Variants in PPA2 observed in about 807,000 individuals in gnomAD.
PPA2 encodes the protein inorganic pyrophosphatase 2, mitochondrial.
PPA2 carries 48 observed loss-of-function variants against 49.5 expected under a neutral mutation model. The ratio of observed to expected loss-of-function variants is 0.97; its 90% CI spans 0.77 to 1.23. The LOEUF (loss-of-function observed/expected upper bound fraction) is 1.23. Among genes scored for constraint, PPA2 ranks in the 50% most tolerant of loss-of-function variants. The probability of loss-of-function intolerance (pLI) is 0.00; values close to 1 mark genes in which losing one functional copy is unlikely to be tolerated. For synonymous variants in PPA2, 131 were observed against 139.9 expected (o/e 0.94, Z 0.45); for missense variants, 429 against 410.1 (o/e 1.05, Z -0.40).
intron 5 of PPA2, among the ~76,000 whole-genome samples, chr4:105,439,039 A>G (rs1338066535): frequency 1.3e-5 from 2 of 152,154 alleles, no homozygotes; most frequent in Non-Finnish European, 2.9e-5. Context: ...ATGAAGTCCA[A>G]CAACATTTCA....
At chr4:105,456,379 A>G (rs926451657) in intron 2 of PPA2, 1 of 433,586 alleles carries the variant, frequency 2.3e-6, no homozygotes, top group Admixed American at 3.2e-5. Flanking sequence ...CACAAACGTT[A>G]GCTGATTATT....
intron 7 of PPA2, among the ~76,000 whole-genome samples, chr4:105,422,482 T>C (rs953512206): frequency 1.3e-5 from 2 of 150,340 alleles, no homozygotes; most frequent in Non-Finnish European, 3.0e-5. Flanking sequence ...CTTTTTATTC[T>C]AACACTTACG....
chr4:105,400,203 G>T (rs1218763430), intron 7 of PPA2, among the ~76,000 whole-genome samples: 1 of 152,010 alleles, frequency 6.6e-6, no homozygotes, highest in Non-Finnish European at 1.5e-5. Flanking sequence ...ATACTGTTTT[G>T]TTATAACAAA....
intron 1 of PPA2, among the ~76,000 whole-genome samples, chr4:105,463,936 C>T (rs904219885): frequency 2.0e-5 from 3 of 152,156 alleles, no homozygotes; most frequent in Non-Finnish European, 4.4e-5. Flanking sequence ...TCTGCTAGAG[C>T]ACTGTGGAAG....
intron 5 of PPA2, among the ~76,000 whole-genome samples, chr4:105,444,536 C>T (rs751955668): frequency 5.9e-5 from 9 of 152,092 alleles, no homozygotes; most frequent in Non-Finnish European, 1.0e-4. Context: ...GAAGAACTAC[C>T]GTACCTGCCA....
chr4:105,466,590 C>T (rs1280965677), intron 1 of PPA2, among the ~76,000 whole-genome samples: 1 of 152,048 alleles, frequency 6.6e-6, no homozygotes, highest in East Asian at 1.9e-4. Context: ...GAGGCTGAGG[C>T]AATTTTACAG....
At chr4:105,392,031 TAATAA>T (rs902588247) in intron 9 of PPA2, among the ~76,000 whole-genome samples, 17 of 152,050 alleles carry the variant, frequency 1.1e-4, no homozygotes, top group African/African-American at 3.9e-4. Flanking sequence ...AAATAATGAT[TAATAA>T]AATAAAGTAG....
intron 7 of PPA2, among the ~76,000 whole-genome samples, chr4:105,421,817 T>C (rs531561301): frequency 3.3e-5 from 5 of 151,990 alleles, no homozygotes; most frequent in Non-Finnish European, 7.4e-5. Flanking sequence ...CTGAGGCGGG[T>C]AGATCCCTTT....
chr4:105,410,347 G>T (rs1722693232), intron 7 of PPA2, among the ~76,000 whole-genome samples: 1 of 152,080 alleles, frequency 6.6e-6, no homozygotes, highest in African/African-American at 2.4e-5. Flanking sequence ...AATAAAGCGA[G>T]AAGACAAGAT....
chr4:105,376,709 C>T (rs1351209609), intron 10 of PPA2, among the ~76,000 whole-genome samples: 1 of 152,156 alleles, frequency 6.6e-6, no homozygotes, highest in Non-Finnish European at 1.5e-5. Flanking sequence ...TAGCTACTTA[C>T]TCTTCTTGGC....
chr4:105,441,629 A>C (rs1724364900), intron 5 of PPA2, among the ~76,000 whole-genome samples: 1 of 152,148 alleles, frequency 6.6e-6, no homozygotes, highest in African/African-American at 2.4e-5. Context: ...ACAGGTATAT[A>C]AGTATATTTA....
chr4:105,369,154 G>A lies in PPA2; in HGVS notation c.*571C>T, dbSNP rs1732918606. The A allele has an allele frequency of 6.6e-6, 1 of 152,074 alleles. No homozygotes were observed. Among genetic ancestry groups the A allele is most frequent in the Non-Finnish European group, 1.5e-5 (1 of 68,018 alleles). The allele number at this position is 152,074 out of a possible 1,614,324, so 9.4% of individuals were successfully genotyped here. On this transcript the variant is annotated 3_prime_UTR_variant, in exon 12 of 12. Coordinates refer to ENST00000341695, the MANE Select transcript of PPA2 (RefSeq NM_176869.3). ...GAAATAAAAACTGGTAAAATCAATG[G>A]GTTCCTTCAGGTATAGAAACTAGAA...
chr4:105,400,233 A>G (rs933470819), intron 7 of PPA2, among the ~76,000 whole-genome samples: 6 of 152,160 alleles, frequency 3.9e-5, no homozygotes, highest in Admixed American at 1.3e-4. Context: ...GATGTTTTGC[A>G]AAAATTAATT....
chr4:105,449,426 G>T (rs1293539876), intron 3 of PPA2, 23 bp from the exon 4 acceptor site: 1 of 1,482,114 alleles, frequency 6.7e-7, no homozygotes, highest in East Asian at 2.3e-5. Flanking sequence ...ACAAAACAAA[G>T]AGAGAACATT....
chr4:105,472,619 G>C (rs1015136574), intron 1 of PPA2, among the ~76,000 whole-genome samples: 2 of 152,156 alleles, frequency 1.3e-5, no homozygotes, highest in African/African-American at 4.8e-5. Context: ...CTGTTCACCT[G>C]ATCAGTCTTA....
intron 7 of PPA2, among the ~76,000 whole-genome samples, chr4:105,409,129 G>C (rs1005841655): frequency 1.3e-5 from 2 of 152,128 alleles, no homozygotes; most frequent in Admixed American, 6.5e-5. Flanking sequence ...AAGGGATCGG[G>C]GATTTCCCTT....
At chr4:105,446,350 A>G in intron 5 of PPA2, 33 bp downstream of exon 5, 1 of 1,526,246 alleles carries the variant, frequency 6.6e-7, no homozygotes, top group Non-Finnish European at 8.8e-7. Context: ...TTCAGAAGAC[A>G]GGAACATTTT....
chr4:105,383,911 A>AC (rs397827145), intron 10 of PPA2, among the ~76,000 whole-genome samples: 3 of 151,698 alleles, frequency 2.0e-5, no homozygotes, highest in African/African-American at 7.3e-5. Context: ...ACAAAAAAAA[A>AC]ACCTGATAGC....
chr4:105,369,761 T>C lies in PPA2; in HGVS notation c.977-8A>G. 1 of 1,582,504 alleles carries C rather than the reference T, an allele frequency of 6.3e-7. No homozygotes were observed. On this transcript the variant is annotated splice_region_variant and splice_polypyrimidine_tract_variant and intron_variant, in intron 11 of 11. Coordinates refer to ENST00000341695, the MANE Select transcript of PPA2 (RefSeq NM_176869.3). ...GGAAGTGCCACACTTGCTCTGCATT[T>C]AAAATGGGGAAAGAGGGTATTAGGG...
Sources: allele counts gnomAD v4.1 joint callset (sites outside exome capture counted in the v4.1 genomes callset), GRCh38; gene constraint gnomAD v4.1.1; transcripts MANE v1.5; gene names NCBI Gene and HGNC (gene_info 2026-07-23, HGNC 2026-07-21).